The following MICU3 variants were observed in gnomAD, a reference collection of about 807,000 sequenced individuals.
MICU3 encodes the protein mitochondrial calcium uptake 3, also known as calcium uptake protein 3, mitochondrial.
Under a neutral mutation model 66.5 loss-of-function variants are expected in MICU3, and 62 were observed. That is an observed-to-expected ratio of 0.93 (90% CI 0.76 to 1.15). The LOEUF is 1.15. Ranked by LOEUF, MICU3 falls within the 50% of genes most tolerant of loss-of-function variation. The pLI is 0.00. For missense variants in MICU3, 779 were observed against 664.4 expected (o/e 1.17, Z -1.90); for synonymous variants, 308 against 240.7 (o/e 1.28, Z -2.59).
At chr8:17,077,956 T>C (rs1820629431) in intron 4 of MICU3, 95 bp downstream of exon 4, 1 of 715,352 alleles carries the variant, frequency 1.4e-6, no homozygotes, top group Admixed American at 3.1e-5. Context: ...ATTTTTAAAT[T>C]ACATCTATGT....
At chr8:17,074,854 T>G (rs1820142128) in intron 3 of MICU3, among the ~76,000 whole-genome samples, 1 of 152,126 alleles carries the variant, frequency 6.6e-6, no homozygotes, top group South Asian at 2.1e-4. Flanking sequence ...CAAATATTTA[T>G]TTTCTACCTA....
the MICU3 span, among the ~76,000 whole-genome samples, chr8:17,137,363 G>A: frequency 2.0e-5 from 3 of 151,852 alleles, no homozygotes; most frequent in Non-Finnish European, 4.4e-5. Flanking sequence ...CAGTGGCTGT[G>A]AGAACATCAT....
intron 1 of MICU3, among the ~76,000 whole-genome samples, chr8:17,059,570 A>G (rs1032030313): frequency 1.3e-5 from 2 of 152,202 alleles, no homozygotes; most frequent in East Asian, 1.9e-4. Context: ...AACTGTCACC[A>G]TTTTGAAAGA....
At chr8:17,137,705 C>CT in the MICU3 span, among the ~76,000 whole-genome samples, 352 of 102,886 alleles carry the variant, frequency 3.4e-3, 6 homozygotes, top group African/African-American at 8.1e-3. Context: ...TTTTCTTTTC[C>CT]TTTTTTTTTT....
Position 17,066,927 on chromosome 8 carries a change from G to C in MICU3, c.535+2690G>C, listed in dbSNP as rs17116420. 5.6e-3 allele frequency among the ~76,000 whole-genome samples: 856 copies of C among 152,110 alleles called. 8 individuals carry two copies. Among genetic ancestry groups the C allele is most frequent in the African/African-American group, 0.02 (821 of 41,510 alleles). On this transcript the variant is annotated intron_variant, in intron 2 of 14. Coordinates refer to ENST00000318063, the MANE Select transcript of MICU3 (RefSeq NM_181723.3). ...AGAATACATTCACTGGAAGCACACT[G>C]TTCGATTTTGCTTTTTGGAAATAAC...
At chr8:17,034,444 A>G (rs1245892256) in intron 1 of MICU3, among the ~76,000 whole-genome samples, 6 of 152,232 alleles carry the variant, frequency 3.9e-5, no homozygotes, top group African/African-American at 7.2e-5. Context: ...TTATTTAAGA[A>G]ACACATTTTG....
chr8:17,115,520 C>T (rs1802601894), intron 12 of MICU3, among the ~76,000 whole-genome samples: 1 of 152,058 alleles, frequency 6.6e-6, no homozygotes, highest in Admixed American at 6.5e-5. Flanking sequence ...ATGGTGTCAC[C>T]TGTCTTGCAG....
At chr8:17,030,802 G>C (rs1425981429) in intron 1 of MICU3, among the ~76,000 whole-genome samples, 1 of 152,188 alleles carries the variant, frequency 6.6e-6, no homozygotes, top group East Asian at 1.9e-4. Flanking sequence ...TTGGGATTCT[G>C]TATAGCAAAT....
rs1803211629 is a variant in MICU3 at position 17,121,751 on chromosome 8, A to G, written c.*1464A>G. On this transcript the variant is annotated 3_prime_UTR_variant, in exon 15 of 15. Transcript: ENST00000318063. ...TCTTAGCATTGATTTTGTATGTTAG[A>G]CTTTTTACATTGTTTATCTAATATT... The G allele has an allele frequency of 6.6e-6, 1 of 152,206 alleles. No homozygotes were observed. Among genetic ancestry groups the G allele is most frequent in the South Asian group, 2.1e-4 (1 of 4,830 alleles). 9.4% of individuals were successfully genotyped at this position (152,206 alleles called of 1,614,324 possible).
chr8:17,049,516 A>G, intron 1 of MICU3: 2 of 497,150 alleles, frequency 4.0e-6, no homozygotes, highest in Non-Finnish European at 8.0e-6. Flanking sequence ...CTTAGTATTT[A>G]TTTGTCCATT....
At chr8:17,108,920 C>G (rs186508424) in intron 11 of MICU3, among the ~76,000 whole-genome samples, 3 of 152,276 alleles carry the variant, frequency 2.0e-5, no homozygotes, top group Admixed American at 6.5e-5. Flanking sequence ...GCACCAACCA[C>G]AGAAACTCTT....
chr8:17,069,889 A>G (rs1819291017), intron 3 of MICU3, among the ~76,000 whole-genome samples, 170 bp downstream of exon 3: 1 of 151,912 alleles, frequency 6.6e-6, no homozygotes, highest in African/African-American at 2.4e-5. Context: ...AGATTGTCAG[A>G]AAATAAAAAG....
chr8:17,097,752 G>C (rs988430447), intron 8 of MICU3, among the ~76,000 whole-genome samples: 1 of 151,706 alleles, frequency 6.6e-6, no homozygotes, highest in Admixed American at 6.6e-5. Flanking sequence ...ATCCAAGTTA[G>C]GCTTGCAGTT....
At chr8:17,107,968 G>A (rs187249206) in intron 11 of MICU3, among the ~76,000 whole-genome samples, 374 of 152,300 alleles carry the variant, frequency 2.5e-3, no homozygotes, top group African/African-American at 8.6e-3. Context: ...AGGTGCCCAG[G>A]CAATAGATAA....
intron 10 of MICU3, 78 bp from the exon 11 acceptor site, chr8:17,105,335 A>T (rs1054753940): frequency 1.5e-5 from 12 of 780,018 alleles, no homozygotes; most frequent in African/African-American, 1.4e-4. Context: ...CTTTTCTAGG[A>T]CAGTGAGTAT....
At chr8:17,134,431 T>TTTTGTTTGTTTGTTTGTTTG in the MICU3 span, among the ~76,000 whole-genome samples, 1 of 148,618 alleles carries the variant, frequency 6.7e-6, no homozygotes, top group South Asian at 2.2e-4. Context: ...AAAGTCAGCC[T>TTTTGTTTGTTTGTTTGTTTG]TTTGTTTGTT....
At chr8:17,100,548 T>G (rs1293654178) in intron 9 of MICU3, among the ~76,000 whole-genome samples, 2 of 151,720 alleles carry the variant, frequency 1.3e-5, no homozygotes, top group Non-Finnish European at 2.9e-5. Flanking sequence ...TATTAGTATT[T>G]CAGGATTCAA....
intron 1 of MICU3, among the ~76,000 whole-genome samples, chr8:17,036,180 C>G (rs1172237858): frequency 6.6e-6 from 1 of 152,042 alleles, no homozygotes; most frequent in Admixed American, 6.6e-5. Context: ...AAGCTGCAGA[C>G]CTTTGCGGTG....
chr8:17,070,677 G>GT (rs1819444360), intron 3 of MICU3, among the ~76,000 whole-genome samples: 4 of 150,768 alleles, frequency 2.7e-5, no homozygotes, highest in African/African-American at 7.3e-5. Flanking sequence ...GAAATCTAGG[G>GT]AACGTCCTTA....
Sources: gnomAD v4.1 joint callset for allele counts (sites outside exome capture counted in the v4.1 genomes callset) on GRCh38, gnomAD v4.1.1 for gene constraint, MANE v1.5 for transcripts, NCBI Gene and HGNC (gene_info 2026-07-23, HGNC 2026-07-21) for gene names.